Variants in KANSL1L observed in about 807,000 individuals in gnomAD.
The protein encoded by KANSL1L is KAT8 regulatory NSL complex subunit 1-like protein.
Under a neutral mutation model 108.6 loss-of-function variants are expected in KANSL1L, and 25 were observed. The observed-to-expected ratio is 0.23, with a 90% CI of 0.17 to 0.32. The LOEUF is 0.32. KANSL1L is among the 10% of genes least tolerant of loss of function. The probability of loss-of-function intolerance (pLI) is 1.00; values close to 1 mark genes in which losing one functional copy is unlikely to be tolerated. For synonymous variants in KANSL1L, 405 were observed against 395.1 expected (o/e 1.03, Z -0.30); for missense variants, 1,137 against 1,125.7 (o/e 1.01, Z -0.14).
chr2:210,115,409 T>C (rs757267938), intron 3 of KANSL1L, among the ~76,000 whole-genome samples: 8 of 152,196 alleles, frequency 5.3e-5, no homozygotes, highest in Non-Finnish European at 8.8e-5. Context: ...CCTATGTTTA[T>C]AGGATAACAG....
chr2:210,112,115 T>G (rs2094911943), intron 3 of KANSL1L, among the ~76,000 whole-genome samples: 1 of 152,222 alleles, frequency 6.6e-6, no homozygotes, highest in Non-Finnish European at 1.5e-5. Context: ...TGTCACATTT[T>G]CTTAATCCAG....
chr2:210,109,429 T>C (rs1417164245), intron 3 of KANSL1L, among the ~76,000 whole-genome samples: 1 of 152,130 alleles, frequency 6.6e-6, no homozygotes, highest in Non-Finnish European at 1.5e-5. Flanking sequence ...AATATTAGAT[T>C]ATCTCCAGGA....
chr2:210,022,003 C>CTTTTT lies in KANSL1L; in HGVS notation c.*941_*945dup, dbSNP rs553479918. Reference sequence around the variant, plus strand: ...CTTGCTAATCTAGAAATACAATCATCTTTTTTTTTTTTTTCAAATTTTATA... The same window carrying CTTTTT: ...CTTGCTAATCTAGAAATACAATCATCTTTTTTTTTTTTTTTTTTTCAAATTTTATA... On this transcript the variant is annotated 3_prime_UTR_variant, in exon 15 of 15. Transcript: ENST00000281772. 111 of 134,694 alleles carry CTTTTT rather than the reference C, an allele frequency of 8.2e-4. No individual in the cohort carries two copies. Among genetic ancestry groups the CTTTTT allele is most frequent in the African/African-American group, 2.9e-3 (107 of 36,696 alleles). 8.3% of individuals were successfully genotyped at this position (134,694 alleles called of 1,614,324 possible). A position where few individuals can be genotyped will look rare whatever the true frequency, so the allele number is the denominator to read the frequency against.
At chr2:210,039,303 T>A (rs1205009193) in intron 8 of KANSL1L, among the ~76,000 whole-genome samples, 1 of 151,966 alleles carries the variant, frequency 6.6e-6, no homozygotes, top group Non-Finnish European at 1.5e-5. Context: ...TATAGGAATG[T>A]CCTCATGTTT....
Position 210,079,641 on chromosome 2 carries a change from T to C in KANSL1L, c.1551-3885A>G, listed in dbSNP as rs1269038875. ...ATATATATATATATATATATATATA[T>C]ATATATATATATATATATATATATG... On this transcript the variant is annotated intron_variant, in intron 5 of 14. Transcript: ENST00000281772. 3.2e-4 allele frequency among the ~76,000 whole-genome samples: 3 copies of C among 9,394 alleles called. 1 individual carries two copies. The highest frequency in any genetic ancestry group is 7.9e-4 in the African/African-American group (3 of 3,786). 6.2% of individuals were successfully genotyped at this position (9,394 alleles called of 152,430 possible).
intron 6 of KANSL1L, among the ~76,000 whole-genome samples, chr2:210,071,654 T>C (rs951351690): frequency 6.6e-6 from 1 of 152,294 alleles, no homozygotes; most frequent in East Asian, 1.9e-4. Flanking sequence ...GCATCTTTAA[T>C]GACCCAATTT....
chr2:210,092,581 T>C (rs2094701494), intron 5 of KANSL1L, among the ~76,000 whole-genome samples: 1 of 152,256 alleles, frequency 6.6e-6, no homozygotes, highest in African/African-American at 2.4e-5. Context: ...ATAATCAGGC[T>C]ACCATTTTAA....
intron 3 of KANSL1L, among the ~76,000 whole-genome samples, chr2:210,117,117 T>C (rs546287789): frequency 4.8e-4 from 73 of 152,194 alleles, no homozygotes; most frequent in African/African-American, 1.7e-3. Context: ...ATGCACAAGA[T>C]AGAGTCTCTT....
At chr2:210,170,302 T>C in intron 1 of KANSL1L, 1 of 947,576 alleles carries the variant, frequency 1.1e-6, no homozygotes, top group Non-Finnish European at 1.3e-6. Flanking sequence ...ATGAATGTCC[T>C]GAAGTTTGGG....
chr2:210,073,599 C>G (rs985797861), intron 6 of KANSL1L, among the ~76,000 whole-genome samples: 1 of 151,842 alleles, frequency 6.6e-6, no homozygotes, highest in African/African-American at 2.4e-5. Context: ...TGCTCAATAG[C>G]TACATGTGTC....
At chr2:210,027,131 A>G (rs991212022) in intron 12 of KANSL1L, among the ~76,000 whole-genome samples, 165 bp downstream of exon 12, 3 of 152,112 alleles carry the variant, frequency 2.0e-5, no homozygotes, top group Non-Finnish European at 2.9e-5. Context: ...TGCACAAAAC[A>G]TTTTTCGAAT....
At chr2:210,054,438 G>A (rs1306209630) in intron 6 of KANSL1L, among the ~76,000 whole-genome samples, 1 of 152,104 alleles carries the variant, frequency 6.6e-6, no homozygotes, top group African/African-American at 2.4e-5. Context: ...TGGCAAACAG[G>A]CAGCCTCATG....
chr2:210,064,260 G>GGGTA (rs2094446570), intron 6 of KANSL1L: 1 of 152,164 alleles, frequency 6.6e-6, no homozygotes, highest in South Asian at 2.1e-4. Context: ...TTTCAGGTAT[G>GGGTA]TCTTTATCAG....
At chr2:210,118,147 C>T in intron 3 of KANSL1L, among the ~76,000 whole-genome samples, 1 of 126,736 alleles carries the variant, frequency 7.9e-6, no homozygotes, top group Non-Finnish European at 1.6e-5. Context: ...GCCTGGGCAA[C>T]AAAAGCGAAA....
At position 210,056,512 on chromosome 2, in the gene KANSL1L, G is replaced by A. The variant is rs750403112; in HGVS notation, c.1756-12408C>T. 8.5e-5 allele frequency among the ~76,000 whole-genome samples: 13 copies of A among 152,082 alleles called. No homozygotes were observed. The South Asian group carries it at 1.0e-3, about 12-fold the overall frequency. On this transcript the variant is annotated intron_variant, in intron 6 of 14. Transcript: ENST00000281772. ...ATATCTTTTTTTGAGACAGAGTCTCGCTCTGTCACCCAGGCTGGAGTGCAG... is the reference window on the plus strand; with the variant it reads ...ATATCTTTTTTTGAGACAGAGTCTCACTCTGTCACCCAGGCTGGAGTGCAG...
Position 210,021,629 on chromosome 2 carries a change from T to G in KANSL1L, c.*1320A>C, listed in dbSNP as rs2093857454. ...ACCCCTTAAAAGGACTAGTATAATT[T>G]CCAATCTCTAACAAAAACTTAGTGT... On this transcript the variant is annotated 3_prime_UTR_variant, in exon 15 of 15. Coordinates refer to ENST00000281772, the MANE Select transcript of KANSL1L (RefSeq NM_152519.4). The G allele has an allele frequency of 1.3e-5, 2 of 152,514 alleles. No individual in the cohort carries two copies. Among genetic ancestry groups the G allele is most frequent in the South Asian group, 2.1e-4 (1 of 4,832 alleles). The allele number at this position is 152,514 out of a possible 1,614,324, so 9.4% of individuals were successfully genotyped here.
chr2:210,096,421 T>A (rs995644731), intron 5 of KANSL1L: 4 of 855,024 alleles, frequency 4.7e-6, no homozygotes, highest in Non-Finnish European at 5.6e-6. Flanking sequence ...GACTTGACTA[T>A]GTGGCATACA....
chr2:210,043,328 G>A, intron 7 of KANSL1L: 1 of 153,786 alleles, frequency 6.5e-6, no homozygotes. Context: ...GGTCAAGGCT[G>A]CAGTGAGCTA....
intron 6 of KANSL1L, among the ~76,000 whole-genome samples, chr2:210,055,397 C>T (rs2094339438): frequency 6.6e-6 from 1 of 152,000 alleles, no homozygotes; most frequent in South Asian, 2.1e-4. Context: ...TATCAGGATG[C>T]CGGAAAATGT....
Sources: allele counts gnomAD v4.1 joint callset (sites outside exome capture counted in the v4.1 genomes callset), GRCh38; gene constraint gnomAD v4.1.1; transcripts MANE v1.5; gene names NCBI Gene and HGNC (gene_info 2026-07-23, HGNC 2026-07-21).